The following ZNF536 variants were observed in gnomAD, a reference collection of about 807,000 sequenced individuals.
The protein encoded by ZNF536 is zinc finger protein 536.
ZNF536 carries 13 observed loss-of-function variants against 84.5 expected under a neutral mutation model. That is an observed-to-expected ratio of 0.15 (90% CI 0.10 to 0.24). ZNF536 has a LOEUF of 0.24. Ranked by LOEUF, ZNF536 falls within the 10% of genes least tolerant of loss-of-function variation. ZNF536 has a pLI of 1.00. For missense variants in ZNF536, 1,536 were observed against 1,747.5 expected (o/e 0.88, Z 2.16); for synonymous variants, 811 against 742.5 (o/e 1.09, Z -1.50).
At chr19:30,589,948 C>T (rs545131054) in intron 1 of ZNF536, among the ~76,000 whole-genome samples, 33 of 152,196 alleles carry the variant, frequency 2.2e-4, no homozygotes, top group Non-Finnish European at 4.1e-4. Flanking sequence ...GAGCATGACA[C>T]TTCTAGCATC....
chr19:30,709,282 C>A (rs1474150244), intron 1 of ZNF536, among the ~76,000 whole-genome samples: 4 of 152,158 alleles, frequency 2.6e-5, no homozygotes, highest in African/African-American at 9.7e-5. Context: ...CTCATGCTGG[C>A]CTTGATTACC....
At chr19:30,394,867 G>A (rs2049749581) in intron 1 of ZNF536, among the ~76,000 whole-genome samples, 1 of 152,208 alleles carries the variant, frequency 6.6e-6, no homozygotes, top group South Asian at 2.1e-4. Flanking sequence ...TACCTGAAAA[G>A]CAGTGGGTAA....
intron 2 of ZNF536, among the ~76,000 whole-genome samples, chr19:30,447,551 A>T (rs2052410659): frequency 6.6e-6 from 1 of 152,212 alleles, no homozygotes; most frequent in Admixed American, 6.5e-5. Context: ...AACCAGCAGC[A>T]TGAGTGCCAA....
At chr19:30,685,155 T>A (rs1424961385) in intron 1 of ZNF536, among the ~76,000 whole-genome samples, 1 of 152,170 alleles carries the variant, frequency 6.6e-6, no homozygotes, top group Non-Finnish European at 1.5e-5. Flanking sequence ...AAGAATTGGG[T>A]AAAACACCAA....
At chr19:30,365,225 G>C (rs780147627) in intron 3 of ZNF536, among the ~76,000 whole-genome samples, 12 of 152,074 alleles carry the variant, frequency 7.9e-5, no homozygotes, top group Admixed American at 3.3e-4. Flanking sequence ...TCTTTAGATA[G>C]GCATGTGCTC....
Position 30,376,734 on chromosome 19 carries a change from C to T in ZNF536, c.-3+4178C>T, listed in dbSNP as rs373500436. Among the ~76,000 whole-genome samples the T allele has an allele frequency of 4.6e-5, 7 of 152,308 alleles. No individual in the cohort carries two copies. The East Asian group carries it at 1.3e-3, about 29-fold the overall frequency. ...GTGTGGGTTCCCTCTTCAGCACATC[C>T]TCCCTGACACTACCCAGCCAGTATT... On this transcript the variant is annotated intron_variant, in intron 1 of 4. Transcript: ENST00000355537.
chr19:30,610,167 G>T (rs2048054416), intron 1 of ZNF536, among the ~76,000 whole-genome samples: 1 of 152,242 alleles, frequency 6.6e-6, no homozygotes, highest in Non-Finnish European at 1.5e-5. Context: ...AGCAAGGATA[G>T]TGGATGTTAC....
At chr19:30,400,136 C>CTT (rs1053201176) in intron 1 of ZNF536, among the ~76,000 whole-genome samples, 1,651 of 146,916 alleles carry the variant, frequency 0.011, 21 homozygotes, top group African/African-American at 0.039. Flanking sequence ...TATTGTAGGA[C>CTT]TTTTTTTTTT....
intron 4 of ZNF536, among the ~76,000 whole-genome samples, chr19:30,553,189 G>T (rs1402142994): frequency 6.6e-6 from 1 of 152,222 alleles, no homozygotes; most frequent in African/African-American, 2.4e-5. Flanking sequence ...GTATTTAAAG[G>T]TGGAGAGGGG....
chr19:30,314,790 G>T (rs563057818), intron 2 of ZNF536, among the ~76,000 whole-genome samples: 3 of 152,210 alleles, frequency 2.0e-5, no homozygotes, highest in Admixed American at 2.0e-4. Flanking sequence ...CAAGAGGCAG[G>T]CTAAGGTGGG....
intron 1 of ZNF536, among the ~76,000 whole-genome samples, chr19:30,689,732 C>G (rs943989644): frequency 1.3e-5 from 2 of 152,140 alleles, no homozygotes; most frequent in Non-Finnish European, 2.9e-5. Context: ...TCCCGTGGAA[C>G]AGGGAGGGCA....
At chr19:30,660,449 T>C (rs961795413) in intron 1 of ZNF536, among the ~76,000 whole-genome samples, 3 of 152,208 alleles carry the variant, frequency 2.0e-5, no homozygotes, top group Admixed American at 6.5e-5. Flanking sequence ...AATAAAAATA[T>C]ATGTATCATT....
intron 1 of ZNF536, among the ~76,000 whole-genome samples, chr19:30,232,775 C>G (rs1348517894): frequency 1.3e-5 from 2 of 152,274 alleles, no homozygotes; most frequent in East Asian, 1.9e-4. Flanking sequence ...CATCATTTCT[C>G]CAGCTCAGGG....
At chr19:30,545,220 G>A (rs2045493766) in intron 3 of ZNF536, among the ~76,000 whole-genome samples, 1 of 151,930 alleles carries the variant, frequency 6.6e-6, no homozygotes, top group Non-Finnish European at 1.5e-5. Context: ...GTCTTTACAT[G>A]TCTGCACCAG....
intron 1 of ZNF536, among the ~76,000 whole-genome samples, chr19:30,667,587 CAAT>C (rs1290261700): frequency 4.1e-5 from 6 of 145,406 alleles, no homozygotes; most frequent in Non-Finnish European, 6.0e-5. Context: ...GTGTATAAAA[CAAT>C]GTCAGAAGAC....
At chr19:30,675,320 G>A (rs2050714206) in intron 1 of ZNF536, among the ~76,000 whole-genome samples, 1 of 152,158 alleles carries the variant, frequency 6.6e-6, no homozygotes, top group South Asian at 2.1e-4. Flanking sequence ...AGTGCAATGA[G>A]CCCAGAGCTT....
intron 1 of ZNF536, among the ~76,000 whole-genome samples, chr19:30,566,069 G>A (rs34627379): frequency 0.028 from 4,219 of 152,218 alleles, 169 homozygotes; most frequent in African/African-American, 0.079. Flanking sequence ...TCAAGCAGTC[G>A]TGGAATAAAG....
chr19:30,652,526 A>G (rs904848664), intron 1 of ZNF536, among the ~76,000 whole-genome samples: 2 of 152,144 alleles, frequency 1.3e-5, no homozygotes, highest in Non-Finnish European at 2.9e-5. Flanking sequence ...GAGTCACGCA[A>G]GTAAAGCTGA....
At chr19:30,698,350 A>T (rs565462541) in intron 1 of ZNF536, among the ~76,000 whole-genome samples, 2 of 152,084 alleles carry the variant, frequency 1.3e-5, no homozygotes, top group Non-Finnish European at 2.9e-5. Context: ...TTTCACCGCC[A>T]TTTCCCACTA....
Sources: allele counts gnomAD v4.1 joint callset (sites outside exome capture counted in the v4.1 genomes callset), GRCh38; gene constraint gnomAD v4.1.1; transcripts MANE v1.5; gene names NCBI Gene and HGNC (gene_info 2026-07-23, HGNC 2026-07-21).